Variants in HMCN1 observed in about 807,000 individuals in gnomAD.
The protein encoded by HMCN1 is hemicentin-1.
In HMCN1, 321 loss-of-function variants were observed where a neutral mutation model predicts 625.9. The observed-to-expected ratio is 0.51, with a 90% CI of 0.47 to 0.56. HMCN1 has a LOEUF of 0.56. HMCN1 is among the 20% of genes least tolerant of loss of function. The probability of loss-of-function intolerance (pLI) is 0.00; values close to 1 mark genes in which losing one functional copy is unlikely to be tolerated. For missense variants in HMCN1, 6,588 were observed against 6,887.3 expected, an observed-to-expected ratio of 0.96 and a Z score of 1.54; for synonymous variants, 2,425 against 2,417.6, an observed-to-expected ratio of 1.00 and a Z score of -0.09.
At chr1:185,757,253 G>T (rs907171685) in intron 1 of HMCN1, among the ~76,000 whole-genome samples, 1 of 152,208 alleles carries the variant, frequency 6.6e-6, no homozygotes, top group African/African-American at 2.4e-5. Context: ...GATTACAGGC[G>T]TGAGCCACTG....
chr1:186,144,099 AATTT>A, intron 89 of HMCN1, 70 bp from the exon 90 acceptor site: 2 of 1,383,272 alleles, frequency 1.4e-6, no homozygotes, highest in Non-Finnish European at 2.0e-6. Flanking sequence ...TTACTGAGTT[AATTT>A]ATTTATATAA....
At chr1:186,093,318 T>C in intron 65 of HMCN1, 60 bp downstream of exon 65, 6 of 1,606,950 alleles carry the variant, frequency 3.7e-6, no homozygotes. Context: ...CCAGTAGAAG[T>C]GAAGGCCCAG....
intron 4 of HMCN1, among the ~76,000 whole-genome samples, chr1:185,909,062 T>C (rs562467641): frequency 9.9e-5 from 15 of 152,010 alleles, no homozygotes; most frequent in Non-Finnish European, 1.8e-4. Flanking sequence ...TCTGCATGTC[T>C]CCCCTCACTG....
rs113090437 is a variant in HMCN1 at position 186,169,426 on chromosome 1, A to G, written c.15575-1911A>G. Reference sequence around the variant, plus strand: ...AGAACAAAGCTGGAGGCATCACACTACCTGACTTCAAACTATATTACAAGG... The same window carrying G: ...AGAACAAAGCTGGAGGCATCACACTGCCTGACTTCAAACTATATTACAAGG... On this transcript the variant is annotated intron_variant, in intron 100 of 106. Coordinates refer to ENST00000271588, the MANE Select transcript of HMCN1 (RefSeq NM_031935.3). 3.4e-3 allele frequency among the ~76,000 whole-genome samples: 517 copies of G among 152,304 alleles called. 4 individuals are homozygous for G. The highest frequency in any genetic ancestry group is 0.012 in the African/African-American group (497 of 41,578).
chr1:185,812,989 C>G (rs1010951656), intron 1 of HMCN1, among the ~76,000 whole-genome samples: 1 of 152,128 alleles, frequency 6.6e-6, no homozygotes, highest in African/African-American at 2.4e-5. Context: ...CATGTTTTCT[C>G]ATGAGAGGAC....
At chr1:185,932,216 C>T (rs1667586122) in intron 10 of HMCN1, among the ~76,000 whole-genome samples, 1 of 152,060 alleles carries the variant, frequency 6.6e-6, no homozygotes, top group Non-Finnish European at 1.5e-5. Context: ...AATAATTAAA[C>T]ATTATTTTTA....
At chr1:185,823,804 AAC>A (rs1660344660) in intron 1 of HMCN1, among the ~76,000 whole-genome samples, 1 of 152,226 alleles carries the variant, frequency 6.6e-6, no homozygotes, top group Non-Finnish European at 1.5e-5. Flanking sequence ...TTGAATTCAG[AAC>A]TGAAACAATA....
chr1:186,017,448 TAAATAGAG>T (rs1654438244), intron 33 of HMCN1, among the ~76,000 whole-genome samples: 1 of 152,056 alleles, frequency 6.6e-6, no homozygotes, highest in South Asian at 2.1e-4. Flanking sequence ...ACATAGTAGG[TAAATAGAG>T]AAAGTTAACA....
At chr1:186,108,316 C>T in intron 70 of HMCN1, 145 bp from the exon 71 acceptor site, 13 of 1,308,512 alleles carry the variant, frequency 9.9e-6, no homozygotes, top group Non-Finnish European at 1.4e-5. Flanking sequence ...AAAACACTTC[C>T]CACTGTTTGT....
chr1:186,146,071 T>A, intron 93 of HMCN1, 148 bp downstream of exon 93: 1 of 818,178 alleles, frequency 1.2e-6, no homozygotes, highest in African/African-American at 1.7e-5. Context: ...ATTGGTACAG[T>A]TCTGTATCAA....
At chr1:185,937,192 C>T (rs1412370191) in intron 11 of HMCN1, among the ~76,000 whole-genome samples, 1 of 152,208 alleles carries the variant, frequency 6.6e-6, no homozygotes. Flanking sequence ...TTTTAGATGA[C>T]AGTGTGTATT....
chr1:185,954,003 A>T (rs1310174333), intron 11 of HMCN1, among the ~76,000 whole-genome samples: 1 of 151,274 alleles, frequency 6.6e-6, no homozygotes, highest in Non-Finnish European at 1.5e-5. Flanking sequence ...TTGAGCCAGG[A>T]TGAGCCAGGA....
chr1:186,168,217 G>T (rs532437519), intron 100 of HMCN1, among the ~76,000 whole-genome samples: 1 of 150,414 alleles, frequency 6.6e-6, no homozygotes, highest in Non-Finnish European at 1.5e-5. Context: ...GGCAAGAAAG[G>T]TAAAAAGGGA....
chr1:185,865,896 C>T (rs1186223864), intron 4 of HMCN1, 33 bp downstream of exon 4: 1 of 1,608,142 alleles, frequency 6.2e-7, no homozygotes, highest in Non-Finnish European at 8.5e-7. Context: ...ACTTTATTAC[C>T]AGCTGCCTTA....
Position 185,864,624 on chromosome 1 carries a change from C to A in HMCN1, c.494C>A (p.Ser165Ter). The part of the protein sequence containing the change: ...EVLQLIQQKQ[S>*]QVVFVLTGDC... ...CTGCAACTTATCCAACAGAAACAGT[C>A]ACAAGTGAGTAAGAATCAACCCCAA... The change falls in exon 3 of 107, where the codon TCA becomes TAA. Residue 165 changes from serine to a stop codon, truncating the protein, a stop_gained. Coordinates refer to ENST00000271588, the MANE Select transcript of HMCN1 (RefSeq NM_031935.3). LOFTEE classifies it high-confidence loss of function. 1 of 1,613,892 alleles carries A rather than the reference C, an allele frequency of 6.2e-7. No individual in the cohort carries two copies. The highest frequency in any genetic ancestry group is 8.5e-7 in the Non-Finnish European group (1 of 1,179,894).
chr1:185,829,744 A>G (rs949197181), intron 1 of HMCN1, among the ~76,000 whole-genome samples: 8 of 152,160 alleles, frequency 5.3e-5, no homozygotes, highest in African/African-American at 1.9e-4. Context: ...TAGTAGAATG[A>G]TTTATAATCC....
intron 29 of HMCN1, among the ~76,000 whole-genome samples, chr1:186,006,211 A>C (rs1329858243): frequency 6.6e-6 from 1 of 152,140 alleles, no homozygotes; most frequent in Non-Finnish European, 1.5e-5. Flanking sequence ...AGCTATATAC[A>C]AAGTGTCATA....
chr1:186,041,051 A>G lies in HMCN1; in HGVS notation c.6219A>G (p.Ala2073=), dbSNP rs1167255884. 2.5e-6 allele frequency: 4 copies of G among 1,613,164 alleles called. No individual in the cohort carries two copies. The highest frequency in any genetic ancestry group is 3.4e-6 in the Non-Finnish European group (4 of 1,179,286). ...SGGRILALTS[A]QISDTGRYTC... ...GTCGAATCCTAGCATTGACCAGTGC[A>G]CAAATCAGCGACACAGGAAGGTACA... Residue 2073 remains alanine, a synonymous_variant, in exon 40 of 107, where the codon GCA becomes GCG. Transcript: ENST00000271588.
intron 6 of HMCN1, among the ~76,000 whole-genome samples, chr1:185,915,821 T>G (rs1012714434): frequency 5.9e-5 from 9 of 152,126 alleles, no homozygotes; most frequent in Non-Finnish European, 1.3e-4. Flanking sequence ...TCTTTCCTGG[T>G]GACTCTTATG....
Sources: allele counts gnomAD v4.1 joint callset (sites outside exome capture counted in the v4.1 genomes callset), GRCh38; gene constraint gnomAD v4.1.1; transcripts MANE v1.5; gene names NCBI Gene and HGNC (gene_info 2026-07-23, HGNC 2026-07-21).